Variants in TCF12 observed in about 807,000 individuals in gnomAD.
The protein encoded by TCF12 is transcription factor 12.
Under a neutral mutation model 86.0 loss-of-function variants are expected in TCF12, and 45 were observed. That is an observed-to-expected ratio of 0.52 (90% CI 0.41 to 0.67). The LOEUF (loss-of-function observed/expected upper bound fraction) is 0.67. Among genes scored for constraint, TCF12 ranks in the 30% least tolerant of loss-of-function variants. The pLI is 0.00. For synonymous variants in TCF12, 330 were observed against 299.6 expected, an observed-to-expected ratio of 1.10 and a Z score of -1.05; for missense variants, 881 against 859.9, an observed-to-expected ratio of 1.02 and a Z score of -0.31.
rs1051230891 is a variant in TCF12, at chr15:56,983,434, T to C, written c.148+62336T>C. On this transcript the variant is annotated intron_variant, in intron 3 of 20. Transcript: ENST00000333725. ...AATTATATAAACCTGTTTTTTAAAA[T>C]ACAAAGATATTACTGCACAGTTCTT... 2.6e-5 allele frequency among the ~76,000 whole-genome samples: 4 copies of C among 152,136 alleles called. No homozygotes were observed. In the East Asian group the frequency reaches 5.8e-4, roughly 22 times the overall value.
At chr15:57,174,636 A>G (rs1276946588) in intron 6 of TCF12, among the ~76,000 whole-genome samples, 1 of 152,252 alleles carries the variant, frequency 6.6e-6, no homozygotes, top group Admixed American at 6.5e-5. Flanking sequence ...ATCCTAAGGA[A>G]TCATCAAGAA....
intron 17 of TCF12, among the ~76,000 whole-genome samples, chr15:57,262,563 G>A (rs980093388): frequency 3.9e-5 from 6 of 152,218 alleles, no homozygotes; most frequent in African/African-American, 9.6e-5. Context: ...TGAGAGCTCC[G>A]AATGATGGAA....
intron 16 of TCF12, among the ~76,000 whole-genome samples, chr15:57,256,284 C>T (rs934819868): frequency 2.0e-5 from 3 of 152,150 alleles, no homozygotes; most frequent in Admixed American, 6.5e-5. Flanking sequence ...ACTGTCTTAT[C>T]GTGGTGGTTC....
At position 57,282,494 on chromosome 15, in the gene TCF12, A is replaced by G. The variant is rs766688461; in HGVS notation, c.2028A>G (p.Glu676=). 1.9e-6 allele frequency: 3 copies of G among 1,614,266 alleles called. No individual in the cohort carries two copies. The highest frequency in any genetic ancestry group is 4.5e-5 in the East Asian group (2 of 44,876). Reference sequence around the variant, plus strand: ...CCTGCCTTAAGAGAAGGGAAGAAGAAAAAGTTTCTGCCGTATCGGCAGAGC... The same window carrying G: ...CCTGCCTTAAGAGAAGGGAAGAAGAGAAAGTTTCTGCCGTATCGGCAGAGC... ...KAACLKRREE[E]KVSAVSAEPP... is the part of the protein sequence containing the mutation. Residue 676 remains glutamate (E), a synonymous_variant, in exon 20 of 21, where the codon GAA becomes GAG. Transcript: ENST00000333725.
At chr15:57,197,256 A>C (rs1243440049) in intron 7 of TCF12, among the ~76,000 whole-genome samples, 1 of 145,850 alleles carries the variant, frequency 6.9e-6, no homozygotes, top group African/African-American at 2.5e-5. Flanking sequence ...TCCCGGGTTC[A>C]AGTGATTCTC....
At chr15:57,115,690 T>C (rs2050788366) in intron 5 of TCF12, among the ~76,000 whole-genome samples, 1 of 152,190 alleles carries the variant, frequency 6.6e-6, no homozygotes, top group Admixed American at 6.5e-5. Flanking sequence ...AATATATTAT[T>C]ATAAATTAGT....
At chr15:57,002,177 C>G (rs1438690099) in intron 3 of TCF12, among the ~76,000 whole-genome samples, 1 of 152,162 alleles carries the variant, frequency 6.6e-6, no homozygotes, top group African/African-American at 2.4e-5. Flanking sequence ...TAGGCAAAGA[C>G]ATGATGGTGA....
At chr15:57,259,633 A>C (rs572460438) in intron 16 of TCF12, among the ~76,000 whole-genome samples, 1 of 152,332 alleles carries the variant, frequency 6.6e-6, no homozygotes, top group African/African-American at 2.4e-5. Flanking sequence ...TTTTATTCTG[A>C]AATGGAGCTC....
chr15:57,232,222 T>G, intron 9 of TCF12, 69 bp from the exon 10 acceptor site: 1 of 1,580,856 alleles, frequency 6.3e-7, no homozygotes, highest in Non-Finnish European at 8.7e-7. Context: ...CTTGAATTTT[T>G]ATAAGCAACA....
chr15:56,961,527 A>T (rs2061753668), intron 3 of TCF12, among the ~76,000 whole-genome samples: 1 of 152,218 alleles, frequency 6.6e-6, no homozygotes, highest in African/African-American at 2.4e-5. Flanking sequence ...ACATAGTATT[A>T]TGCATATGGT....
At chr15:57,279,193 T>C (rs566778974) in intron 19 of TCF12, among the ~76,000 whole-genome samples, 1 of 140,812 alleles carries the variant, frequency 7.1e-6, no homozygotes, top group Non-Finnish European at 1.5e-5. Context: ...AGGGTCTCAC[T>C]TTGTTGCCCA....
chr15:57,274,936 A>G (rs1272753857), intron 19 of TCF12, among the ~76,000 whole-genome samples: 1 of 152,176 alleles, frequency 6.6e-6, no homozygotes, highest in African/African-American at 2.4e-5. Context: ...TACTTCTGTG[A>G]TGGAAAAACA....
intron 12 of TCF12, among the ~76,000 whole-genome samples, chr15:57,235,669 T>C (rs1388764559): frequency 6.6e-6 from 1 of 152,218 alleles, no homozygotes; most frequent in Non-Finnish European, 1.5e-5. Flanking sequence ...CCATATTCCT[T>C]CTCCTGATTC....
intron 16 of TCF12, among the ~76,000 whole-genome samples, chr15:57,257,119 A>G (rs1170290425): frequency 6.6e-6 from 1 of 152,216 alleles, no homozygotes; most frequent in African/African-American, 2.4e-5. Context: ...TTTATTTACA[A>G]AAACAAGCTC....
intron 3 of TCF12, among the ~76,000 whole-genome samples, chr15:56,957,714 T>C (rs1304399120): frequency 6.6e-6 from 1 of 152,226 alleles, no homozygotes; most frequent in Non-Finnish European, 1.5e-5. Flanking sequence ...GTTTATACTT[T>C]TTTCTTTTTT....
At chr15:57,179,473 T>G (rs2056185822) in intron 6 of TCF12, among the ~76,000 whole-genome samples, 2 of 152,210 alleles carry the variant, frequency 1.3e-5, no homozygotes, top group South Asian at 4.2e-4. Context: ...GAGGCTGCAC[T>G]GAGCCAAGAT....
chr15:57,124,829 C>G (rs751218429), intron 5 of TCF12, among the ~76,000 whole-genome samples: 87 of 151,998 alleles, frequency 5.7e-4, no homozygotes, highest in Admixed American at 1.3e-3. Flanking sequence ...AGGTGCCCAC[C>G]ACCATGCCCG....
At chr15:57,242,508 TAAAA>T (rs1298336270) in intron 12 of TCF12, among the ~76,000 whole-genome samples, 6 of 151,780 alleles carry the variant, frequency 4.0e-5, no homozygotes, top group Non-Finnish European at 7.4e-5. Context: ...AAACCCATCC[TAAAA>T]AAAAGTTAGC....
chr15:57,273,352 T>C (rs934198529), intron 19 of TCF12, 90 bp downstream of exon 19: 1 of 1,342,052 alleles, frequency 7.5e-7, no homozygotes, highest in South Asian at 1.3e-5. Context: ...GGAGAAGTTG[T>C]TTGTTATTTC....
Sources: gnomAD v4.1 joint callset for allele counts (sites outside exome capture counted in the v4.1 genomes callset) on GRCh38, gnomAD v4.1.1 for gene constraint, MANE v1.5 for transcripts, NCBI Gene and HGNC (gene_info 2026-07-23, HGNC 2026-07-21) for gene names.